The following UTP6 variants were observed in gnomAD, a reference collection of about 807,000 sequenced individuals.
UTP6 encodes UTP6 small subunit processome component.
Under a neutral mutation model 96.5 loss-of-function variants are expected in UTP6, and 60 were observed. The ratio of observed to expected loss-of-function variants is 0.62; its 90% CI spans 0.51 to 0.77. The LOEUF (loss-of-function observed/expected upper bound fraction) is 0.77. Among genes scored for constraint, UTP6 ranks in the 30% least tolerant of loss-of-function variants. The pLI, the probability that UTP6 is intolerant of heterozygous loss-of-function variation, is 0.00. For missense variants in UTP6, 637 were observed against 706.5 expected (o/e 0.90, Z 1.12); for synonymous variants, 215 against 240.1 (o/e 0.90, Z 0.96).
chr17:31,886,185 C>T (rs555097732), intron 8 of UTP6, 124 bp from the exon 9 acceptor site: 8 of 709,238 alleles, frequency 1.1e-5, no homozygotes, highest in African/African-American at 5.3e-5. Context: ...TCTCTCTCTC[C>T]GGGCCAGTTC....
intron 6 of UTP6, among the ~76,000 whole-genome samples, chr17:31,890,807 C>T (rs1277122255): frequency 6.7e-6 from 1 of 150,156 alleles, no homozygotes; most frequent in Non-Finnish European, 1.5e-5. Context: ...GCCAACATGG[C>T]GAAACCCCAT....
intron 17 of UTP6, 47 bp downstream of exon 17, chr17:31,867,999 C>T: frequency 6.4e-7 from 1 of 1,556,838 alleles, no homozygotes; most frequent in Non-Finnish European, 8.8e-7. Context: ...GATTAGTAAC[C>T]ACTAATCCAT....
Position 31,878,745 on chromosome 17 carries a change from T to C in UTP6, c.1004A>G (p.Glu335Gly), listed in dbSNP as rs1185574638. The C allele has an allele frequency of 1.2e-6, 2 of 1,614,050 alleles. No homozygotes were observed. Among genetic ancestry groups the C allele is most frequent in the Non-Finnish European group, 8.5e-7 (1 of 1,180,054 alleles). ...ACTATTTGACTTCTTAGTAAATCTT[T>C]CCAAGCAAAAGGTGATGTAACACTT... ...MWKCYITFCL[E>G]RFTKKSNSGF... is the part of the protein sequence containing the mutation. The change falls in exon 12 of 19, where the codon GAA becomes GGA. Residue 335 changes from glutamate (E) to glycine (G), a missense_variant. Transcript: ENST00000261708.
At chr17:31,873,352 TA>T in intron 16 of UTP6, 25 bp downstream of exon 16, 1 of 1,610,450 alleles carries the variant, frequency 6.2e-7, no homozygotes, top group Non-Finnish European at 8.5e-7. Context: ...GAGGGACTAG[TA>T]ACAACTATGA....
intron 9 of UTP6, chr17:31,884,815 A>G: frequency 4.6e-6 from 1 of 217,782 alleles, no homozygotes; most frequent in Non-Finnish European, 9.1e-6. Flanking sequence ...TCACTTTGGG[A>G]GGCCAAGGCA....
Position 31,875,410 on chromosome 17 carries a change from C to T in UTP6, c.1129G>A (p.Val377Ile), listed in dbSNP as rs1037522835. Residue 377 changes from valine to isoleucine, a missense_variant, in exon 14 of 19, where the codon GTT (valine) becomes ATT (isoleucine). Val to Ile is a conservative substitution (Grantham distance 29). Transcript: ENST00000261708. ...LSECQYKQLS[V>I]SLLCYNFLRE... is the part of the protein sequence containing the mutation. ...AGGAAGTTATAACACAGCAACGAAA[C>T]ACTCTAGACAAGATGAAGGATGACT... The T allele has an allele frequency of 2.1e-5, 34 of 1,612,188 alleles. No individual in the cohort carries two copies. Among genetic ancestry groups the T allele is most frequent in the Non-Finnish European group, 2.8e-5 (33 of 1,178,938 alleles).
intron 18 of UTP6, among the ~76,000 whole-genome samples, chr17:31,863,788 A>C: frequency 6.6e-6 from 1 of 152,022 alleles, no homozygotes; most frequent in East Asian, 1.9e-4. Context: ...CTACAGTCTC[A>C]ACCTCCTGAG....
intron 18 of UTP6, among the ~76,000 whole-genome samples, chr17:31,863,734 A>G (rs1294579335): frequency 6.6e-6 from 1 of 152,030 alleles, no homozygotes; most frequent in East Asian, 1.9e-4. Flanking sequence ...ACAGGGTCTC[A>G]CTGTGTTGCC....
intron 10 of UTP6, among the ~76,000 whole-genome samples, chr17:31,881,420 C>A (rs1246263669): frequency 6.6e-6 from 1 of 151,962 alleles, no homozygotes; most frequent in Non-Finnish European, 1.5e-5. Context: ...ACGCATACCA[C>A]CACGCCCAGC....
intron 7 of UTP6, chr17:31,888,125 G>C (rs142398000): frequency 6.6e-6 from 1 of 151,934 alleles, no homozygotes; most frequent in East Asian, 1.9e-4. Context: ...AAGGGAGTAA[G>C]TCCCCGAAGA....
chr17:31,897,980 A>G (rs371752326), intron 2 of UTP6, among the ~76,000 whole-genome samples: 22 of 152,090 alleles, frequency 1.4e-4, no homozygotes, highest in African/African-American at 4.8e-4. Flanking sequence ...TACACTCATC[A>G]CATTCACTCT....
At chr17:31,901,459 ACAT>A in intron 1 of UTP6, 74 bp downstream of exon 1, 1 of 1,374,768 alleles carries the variant, frequency 7.3e-7, no homozygotes, top group Non-Finnish European at 1.0e-6. Flanking sequence ...GAGCGTCCCC[ACAT>A]CTAGCCCCTG....
intron 11 of UTP6, among the ~76,000 whole-genome samples, chr17:31,879,890 G>A (rs1424321685): frequency 5.9e-5 from 9 of 151,946 alleles, no homozygotes; most frequent in Admixed American, 5.9e-4. Flanking sequence ...CAAACCACCT[G>A]AGGTCAGGAG....
At chr17:31,892,151 A>C (rs1904358482) in intron 6 of UTP6, 109 bp downstream of exon 6, 2 of 1,247,214 alleles carry the variant, frequency 1.6e-6, no homozygotes, top group African/African-American at 3.0e-5. Flanking sequence ...CCAACTGCCT[A>C]AGCTCAAGTC....
intron 3 of UTP6, 55 bp from the exon 4 acceptor site, chr17:31,894,792 A>G (rs1028174501): frequency 2.0e-6 from 3 of 1,486,202 alleles, no homozygotes; most frequent in African/African-American, 2.8e-5. Context: ...TGTCCAAAAC[A>G]GCATTCCTAC....
At chr17:31,892,900 C>T (rs1256843636) in intron 4 of UTP6, 106 bp from the exon 5 acceptor site, 16 of 1,312,264 alleles carry the variant, frequency 1.2e-5, no homozygotes, top group South Asian at 3.8e-5. Flanking sequence ...AGGTTGGATG[C>T]GGTGGCTCAC....
At position 31,901,606 on chromosome 17, in the gene UTP6, G is replaced by T; in HGVS notation, c.22C>A (p.Arg8Ser). 1 of 1,613,878 alleles carries T rather than the reference G, an allele frequency of 6.2e-7. No homozygotes were observed. Among genetic ancestry groups the T allele is most frequent in the Middle Eastern group, 1.6e-4 (1 of 6,062 alleles). Residue 8 changes from arginine (R) to serine (S), a missense_variant, in exon 1 of 19, where the codon CGC becomes AGC. Coordinates refer to ENST00000261708, the MANE Select transcript of UTP6 (RefSeq NM_018428.3). ...AATTCCGGGAGCCGATCTTCTATGC[G>T]TTCCTGAATTATCTCTGCCATGAGG... Reference protein sequence around the residue: MAEIIQERIEDRLPELEQ... With the variant: MAEIIQESIEDRLPELEQ...
chr17:31,866,297 A>AG (rs1178258503), intron 17 of UTP6, among the ~76,000 whole-genome samples: 2 of 151,240 alleles, frequency 1.3e-5, no homozygotes, highest in Non-Finnish European at 2.9e-5. Flanking sequence ...AAAAAAAAAA[A>AG]AAAAAAAAAG....
At chr17:31,896,017 GAAAA>G (rs549601729) in intron 2 of UTP6, among the ~76,000 whole-genome samples, 3 of 123,926 alleles carry the variant, frequency 2.4e-5, no homozygotes, top group Non-Finnish European at 3.6e-5. Flanking sequence ...TCTCAAAAAA[GAAAA>G]AAAAAAAAAA....
Sources: gnomAD v4.1 joint callset for allele counts (sites outside exome capture counted in the v4.1 genomes callset) on GRCh38, gnomAD v4.1.1 for gene constraint, MANE v1.5 for transcripts, NCBI Gene and HGNC (gene_info 2026-07-23, HGNC 2026-07-21) for gene names.